Variants in GTF3C1 observed in about 807,000 individuals in gnomAD.
GTF3C1 encodes the protein general transcription factor 3C polypeptide 1.
In GTF3C1, 57 loss-of-function variants were observed where a neutral mutation model predicts 226.7. The observed-to-expected ratio is 0.25, with a 90% CI of 0.20 to 0.31. The LOEUF (loss-of-function observed/expected upper bound fraction) is 0.31. Ranked by LOEUF, GTF3C1 falls within the 10% of genes least tolerant of loss-of-function variation. The probability of loss-of-function intolerance (pLI) is 1.00; values close to 1 mark genes in which losing one functional copy is unlikely to be tolerated. For synonymous variants in GTF3C1, 1,090 were observed against 1,084.8 expected (o/e 1.00, Z -0.09); for missense variants, 2,217 against 2,776.1 (o/e 0.80, Z 4.53).
At chr16:27,548,948 G>A (rs950406032) in intron 1 of GTF3C1, among the ~76,000 whole-genome samples, 1 of 152,202 alleles carries the variant, frequency 6.6e-6, no homozygotes, top group African/African-American at 2.4e-5. Context: ...GAGGTCAGGA[G>A]TTCGCGACCA....
chr16:27,465,334 C>A lies in GTF3C1; in HGVS notation c.5281G>T (p.Glu1761Ter), dbSNP rs200068262. 1.2e-6 allele frequency: 2 copies of A among 1,614,184 alleles called. No individual in the cohort carries two copies. The highest frequency in any genetic ancestry group is 1.7e-6 in the Non-Finnish European group (2 of 1,180,032). ...AAGGCCGAGAACCGTCTGCGCAGCT[C>A]CTCCTTGTCAATCCCAAAACAACCC... ...ATGCFGIDKEELRRRFSALEK... is the reference protein window; with the variant it reads ...ATGCFGIDKE The change falls in exon 33 of 37, where the codon GAG (glutamate) becomes TAG (stop). Residue 1761 changes from glutamate (E) to a stop codon, truncating the protein, a stop_gained. Transcript: ENST00000356183. LOFTEE classifies it high-confidence loss of function.
chr16:27,521,265 C>T (rs560453764), intron 6 of GTF3C1, among the ~76,000 whole-genome samples: 3 of 152,364 alleles, frequency 2.0e-5, no homozygotes, highest in East Asian at 1.9e-4. Flanking sequence ...CTCTTCCTAG[C>T]GCAGGGAGCA....
intron 1 of GTF3C1, 45 bp downstream of exon 1, chr16:27,549,625 C>T (rs1052359874): frequency 1.5e-5 from 12 of 819,874 alleles, no homozygotes; most frequent in Admixed American, 8.8e-5. Flanking sequence ...AGCCCCCGGG[C>T]CCTGCGCCCG....
At position 27,469,223 on chromosome 16, in the gene GTF3C1, C is replaced by T. The variant is rs895815244; in HGVS notation, c.5074+68G>A. 1 of 1,474,686 alleles carries T rather than the reference C, an allele frequency of 6.8e-7. No individual in the cohort carries two copies. Among genetic ancestry groups the T allele is most frequent in the South Asian group, 1.3e-5 (1 of 74,476 alleles). 91.4% of individuals were successfully genotyped at this position (1,474,686 alleles called of 1,614,324 possible). A position where few individuals can be genotyped will look rare whatever the true frequency, so the allele number is the denominator to read the frequency against. On this transcript the variant is annotated intron_variant, in intron 32 of 36. Transcript: ENST00000356183. This position sits in a 1 kb window ranked among gnomAD's most constrained non-coding sequence, Gnocchi z 4.5. ...GAGCCTGAAGGTCTAGGTCCCAGGC[C>T]AGGCCTCAGGGTCTTCCTGGATGAT...
chr16:27,498,836 T>C (rs979068884), intron 12 of GTF3C1, 103 bp from the exon 13 acceptor site: 7 of 729,516 alleles, frequency 9.6e-6, no homozygotes, highest in African/African-American at 8.7e-5. Flanking sequence ...CCTGTTTTCA[T>C]TAACATTTCC....
intron 6 of GTF3C1, 86 bp from the exon 7 acceptor site, chr16:27,511,987 A>G (rs232079): frequency 0.15 from 214,468 of 1,422,560 alleles, 18,262 homozygotes; most frequent in African/African-American, 0.3. Context: ...ATCACAGCAC[A>G]TGTCAGCAGA....
rs755705544 is a variant in GTF3C1 at position 27,469,246 on chromosome 16, G to A, written c.5074+45C>T. 24 of 1,515,768 alleles carry A rather than the reference G, an allele frequency of 1.6e-5. No homozygotes were observed. In the African/African-American group the frequency reaches 2.9e-4, roughly 18 times the overall value. The allele number at this position is 1,515,768 out of a possible 1,614,324, so 93.9% of individuals were successfully genotyped here. On this transcript the variant is annotated intron_variant, in intron 32 of 36. Transcript: ENST00000356183. This position sits in a 1 kb window ranked among gnomAD's most constrained non-coding sequence, Gnocchi z 4.5. ...GCCAGGCCTCAGGGTCTTCCTGGAT[G>A]ATGGCGAGGCCAGGCCCTCCCACAG...
At position 27,545,392 on chromosome 16, in the gene GTF3C1, T is replaced by C. The variant is rs371929778; in HGVS notation, c.353A>G (p.Lys118Arg). The change falls in exon 2 of 37, where the codon AAG becomes AGG. Residue 118 changes from lysine (K) to arginine (R), a missense_variant. Physicochemically the swap from Lys to Arg is conservative, Grantham distance 26. Transcript: ENST00000356183. The stretch of plus-strand genomic sequence containing the variant: ...GTCATTGGTAATGTTTTTCCTCTCC[T>C]TAAAGTAGCGGCATGAGCCCTGGAT... ...DGIQGSCRYF[K>R]ERKNITNDIR... 1.7e-5 allele frequency: 27 copies of C among 1,613,758 alleles called. No individual in the cohort carries two copies. The highest frequency in any genetic ancestry group is 2.1e-5 in the Non-Finnish European group (25 of 1,179,734).
chr16:27,477,551 G>A (rs232058), intron 28 of GTF3C1, among the ~76,000 whole-genome samples: 25,122 of 152,120 alleles, frequency 0.17, 2,223 homozygotes, highest in Middle Eastern at 0.22. Context: ...GTGATCCGCC[G>A]GCAGCGCCCT....
chr16:27,539,072 C>G (rs1438832410), intron 2 of GTF3C1, among the ~76,000 whole-genome samples: 5 of 144,696 alleles, frequency 3.5e-5, no homozygotes, highest in African/African-American at 1.3e-4. Context: ...AGAGCAGGCA[C>G]ATTGTCAACC....
Position 27,549,799 on chromosome 16 carries a change from C to T in GTF3C1, c.92G>A (p.Arg31Gln), listed in dbSNP as rs2089252618. 6.2e-7 allele frequency: 1 copy of T among 1,612,978 alleles called. No individual in the cohort carries two copies. Among genetic ancestry groups the T allele is most frequent in the Non-Finnish European group, 8.5e-7 (1 of 1,179,844 alleles). ...LPALWSRLET[R>Q]VPPFPLPLEP... ...CAAAGGCAGCGGGAAGGGCGGCACT[C>T]GCGTCTCCAGCCGGCTCCACAGCGC... The change falls in exon 1 of 37, where the codon CGA becomes CAA. Residue 31 changes from arginine (R) to glutamine (Q), a missense_variant. Transcript: ENST00000356183.
chr16:27,510,447 C>G (rs2088556361), intron 7 of GTF3C1, among the ~76,000 whole-genome samples: 1 of 151,864 alleles, frequency 6.6e-6, no homozygotes, highest in Non-Finnish European at 1.5e-5. Context: ...ATCCCAGCTA[C>G]TTGGGAGGCT....
intron 34 of GTF3C1, 65 bp downstream of exon 34, chr16:27,464,255 T>C: frequency 1.9e-6 from 2 of 1,048,296 alleles, no homozygotes; most frequent in Non-Finnish European, 1.3e-6. Flanking sequence ...GTGAGGCCCA[T>C]CAGGGCGGAG....
At position 27,469,990 on chromosome 16, in the gene GTF3C1, C is replaced by T. The variant is rs1404902751; in HGVS notation, c.4814+118G>A. On this transcript the variant is annotated intron_variant, in intron 31 of 36. Transcript: ENST00000356183. This position sits in a 1 kb window ranked among gnomAD's most constrained non-coding sequence, Gnocchi z 4.5. The stretch of plus-strand genomic sequence containing the variant: ...GACACCGGCCTATAATCCCCAGTCA[C>T]TCATCTGCAACTCCCATCCCACAAG... The T allele has an allele frequency of 1.3e-6, 1 of 797,938 alleles. No homozygotes were observed. Among genetic ancestry groups the T allele is most frequent in the African/African-American group, 1.7e-5 (1 of 57,942 alleles). 49.4% of individuals were successfully genotyped at this position (797,938 alleles called of 1,614,324 possible).
intron 5 of GTF3C1, 35 bp from the exon 6 acceptor site, chr16:27,528,756 A>G (rs1401853569): frequency 6.2e-7 from 1 of 1,600,544 alleles, no homozygotes; most frequent in Non-Finnish European, 8.6e-7. Flanking sequence ...ACTATTAGAC[A>G]CAGCAAGATG....
intron 27 of GTF3C1, among the ~76,000 whole-genome samples, chr16:27,480,265 T>C (rs1365445026): frequency 6.7e-6 from 1 of 149,312 alleles, no homozygotes; most frequent in African/African-American, 2.5e-5. Flanking sequence ...GAGATATAAA[T>C]TACAAATCAG....
rs369166362 is a variant in GTF3C1 at position 27,470,259 on chromosome 16, C to T, written c.4663G>A (p.Asp1555Asn). The change falls in exon 31 of 37, where the codon GAC becomes AAC. Residue 1555 changes from aspartate (D) to asparagine (N), a missense_variant. Around this residue, in one of 12 missense-constraint regions of GTF3C1, gnomAD observed 546 missense variants for 663.0 expected, o/e 0.82. Coordinates refer to ENST00000356183, the MANE Select transcript of GTF3C1 (RefSeq NM_001520.4). This position sits in a 1 kb window ranked among gnomAD's most constrained non-coding sequence, Gnocchi z 4.9. ...CCGTCCAGTGAAAAGGCCACCATGT[C>T]GTTTGTGGGCTCGTTATTATCCTGG... ...KDQDNNEPTN[D>N]MVAFSLDGPG... 21 of 1,614,054 alleles carry T rather than the reference C, an allele frequency of 1.3e-5. No individual in the cohort carries two copies. Among genetic ancestry groups the T allele is most frequent in the East Asian group, 6.7e-5 (3 of 44,888 alleles).
chr16:27,532,886 C>G (rs1389732307), intron 5 of GTF3C1, among the ~76,000 whole-genome samples: 1 of 152,192 alleles, frequency 6.6e-6, no homozygotes, highest in Non-Finnish European at 1.5e-5. Flanking sequence ...GTAATCCCAG[C>G]ACTTTGGGAA....
intron 25 of GTF3C1, 75 bp downstream of exon 25, chr16:27,484,136 A>G: frequency 4.5e-6 from 5 of 1,100,696 alleles, no homozygotes; most frequent in Middle Eastern, 4.1e-4. Flanking sequence ...CTCCAGCCAC[A>G]CTTCCCACCA....
Sources: allele counts gnomAD v4.1 joint callset (sites outside exome capture counted in the v4.1 genomes callset), GRCh38; gene constraint gnomAD v4.1.1; regional missense constraint gnomAD v4.1.1; non-coding constraint Gnocchi (gnomAD v3.1); transcripts MANE v1.5; gene names NCBI Gene and HGNC (gene_info 2026-07-23, HGNC 2026-07-21).